Variants in POC1B observed in about 807,000 individuals in gnomAD.
POC1B encodes POC1 centriolar protein B, also known as POC1 centriolar protein homolog B.
A neutral mutation model predicts 60.6 loss-of-function variants in POC1B; 44 were observed. The observed-to-expected ratio is 0.73, with a 90% CI of 0.57 to 0.93. The LOEUF (loss-of-function observed/expected upper bound fraction) is 0.93, where lower values mean the gene tolerates loss of function less well. POC1B is among the 40% of genes least tolerant of loss of function. The probability of loss-of-function intolerance (pLI) is 0.00; values close to 1 mark genes in which losing one functional copy is unlikely to be tolerated. For synonymous variants in POC1B, 180 were observed against 198.9 expected (o/e 0.90, Z 0.80); for missense variants, 555 against 572.3 (o/e 0.97, Z 0.31).
intron 10 of POC1B, among the ~76,000 whole-genome samples, chr12:89,449,383 G>GA (rs1210254899): frequency 2.0e-5 from 3 of 152,124 alleles, no homozygotes; most frequent in Non-Finnish European, 4.4e-5. Context: ...TTGATTTACT[G>GA]AAACACTGAG....
intron 2 of POC1B, among the ~76,000 whole-genome samples, chr12:89,499,074 C>G (rs1869404977): frequency 6.6e-6 from 1 of 151,892 alleles, no homozygotes. Flanking sequence ...TGCAAAAGCA[C>G]CTGGAAGAAT....
rs781276521 is a variant in POC1B at position 89,472,117 on chromosome 12, C to T, written c.560+51G>A. On this transcript the variant is annotated intron_variant, in intron 5 of 11. Coordinates refer to ENST00000313546, the MANE Select transcript of POC1B (RefSeq NM_172240.3). ...ATTTATTTAAATTGTTATAATCAAA[C>T]GTCTCCTTAGAAAACTAACCCACAT... The T allele has an allele frequency of 4.5e-5, 52 of 1,166,506 alleles. 1 individual carries two copies. The Middle Eastern group carries it at 1.4e-3, about 32-fold the overall frequency. 72.3% of individuals were successfully genotyped at this position (1,166,506 alleles called of 1,614,324 possible). A position where few individuals can be genotyped will look rare whatever the true frequency, so the allele number is the denominator to read the frequency against.
the POC1B span, among the ~76,000 whole-genome samples, chr12:89,412,751 A>T: frequency 6.6e-6 from 1 of 152,052 alleles, no homozygotes; most frequent in Admixed American, 6.6e-5. Flanking sequence ...ATGCTCTCTC[A>T]TCCTGCCATG....
At chr12:89,408,377 G>A in the POC1B span, among the ~76,000 whole-genome samples, 28 of 152,030 alleles carry the variant, frequency 1.8e-4, no homozygotes, top group African/African-American at 4.3e-4. Flanking sequence ...TTGAGGAATC[G>A]CCACAGTGTC....
At chr12:89,484,506 G>A (rs771530101) in intron 4 of POC1B, among the ~76,000 whole-genome samples, 62 of 152,208 alleles carry the variant, frequency 4.1e-4, no homozygotes, top group Non-Finnish European at 7.6e-4. Context: ...ATAATCCCTA[G>A]GGGGAGGACT....
chr12:89,466,587 G>T, intron 9 of POC1B, 183 bp downstream of exon 9: 3 of 483,302 alleles, frequency 6.2e-6, no homozygotes, highest in African/African-American at 2.0e-5. Flanking sequence ...TTTACTTCTG[G>T]GCCTTCAAGA....
At chr12:89,482,096 A>G (rs1868382588) in intron 4 of POC1B, among the ~76,000 whole-genome samples, 2 of 152,214 alleles carry the variant, frequency 1.3e-5, no homozygotes, top group African/African-American at 4.8e-5. Flanking sequence ...TTTGACCCAG[A>G]TATGGCATAG....
intron 3 of POC1B, among the ~76,000 whole-genome samples, chr12:89,494,652 G>A (rs1253978885): frequency 6.6e-6 from 1 of 152,156 alleles, no homozygotes; most frequent in Admixed American, 6.5e-5. Context: ...GGAACAGAAC[G>A]TGGCAGAAGT....
At chr12:89,408,241 A>C in the POC1B span, among the ~76,000 whole-genome samples, 1 of 152,092 alleles carries the variant, frequency 6.6e-6, no homozygotes, top group Non-Finnish European at 1.5e-5. Flanking sequence ...AGTCTTTGCT[A>C]TTGTGAATAG....
At chr12:89,520,655 T>C (rs1162266920) in intron 2 of POC1B, 1 of 152,216 alleles carries the variant, frequency 6.6e-6, no homozygotes, top group Admixed American at 6.5e-5. Flanking sequence ...ATATTCAAGA[T>C]TGCATAGCAA....
At position 89,429,765 on chromosome 12, in the gene POC1B, A is replaced by T. The variant is rs561524224; in HGVS notation, c.1114-4386T>A. Among the ~76,000 whole-genome samples the T allele has an allele frequency of 4.6e-5, 7 of 152,316 alleles. No individual in the cohort carries two copies. In the South Asian group the frequency reaches 8.3e-4, roughly 18 times the overall value. On this transcript the variant is annotated intron_variant, in intron 10 of 11. Transcript: ENST00000313546. ...GGAAATAAACAAGCAGACAGAACAT[A>T]AGCAAACACATGATTGCAAGACTGC...
intron 2 of POC1B, among the ~76,000 whole-genome samples, chr12:89,515,558 C>T (rs948604700): frequency 1.3e-5 from 2 of 152,140 alleles, no homozygotes; most frequent in African/African-American, 4.8e-5. Context: ...GTGTGAAGGA[C>T]AGGGAGTCAG....
At chr12:89,419,376 TC>T (rs1319751704), downstream of POC1B, among the ~76,000 whole-genome samples, 8 of 152,200 alleles carry the variant, frequency 5.3e-5, no homozygotes, top group Admixed American at 4.6e-4. Flanking sequence ...TGAAAAAGTT[TC>T]AAGGCATCTG....
chr12:89,497,268 G>A lies in POC1B; in HGVS notation c.175C>T (p.His59Tyr), dbSNP rs781632156. 1.2e-6 allele frequency: 2 copies of A among 1,613,122 alleles called. No homozygotes were observed. The highest frequency in any genetic ancestry group is 1.7e-6 in the Non-Finnish European group (2 of 1,179,818). Residue 59 changes from histidine (H) to tyrosine (Y), a missense_variant, in exon 3 of 12, where the codon CAC (histidine) becomes TAC (tyrosine). By Grantham distance (83) the His-to-Tyr change is moderately conservative. Transcript: ENST00000313546. ...TGCACGCTGGTTACAACATCCTTGT[G>A]ACCCACATATCTGTAAGCTCTAGCA... ...PHARAYRYVG[H>Y]KDVVTSVQFS...
the POC1B span, among the ~76,000 whole-genome samples, chr12:89,409,552 C>T: frequency 0.15 from 22,825 of 151,872 alleles, 1,941 homozygotes; most frequent in South Asian, 0.31. Flanking sequence ...ATAGATAGAC[C>T]GCTAGCCAGA....
intron 2 of POC1B, chr12:89,502,203 T>C (rs1869607871): frequency 4.3e-6 from 5 of 1,155,236 alleles, no homozygotes; most frequent in Non-Finnish European, 6.4e-6. Context: ...GAAAGAATAA[T>C]AATGATGTGG....
At chr12:89,409,230 T>C in the POC1B span, among the ~76,000 whole-genome samples, 1 of 152,236 alleles carries the variant, frequency 6.6e-6, no homozygotes, top group Admixed American at 6.5e-5. Context: ...GCCTAGGTTT[T>C]CTTCTACGGT....
At chr12:89,421,284 A>T in intron 11 of POC1B, 27 bp from the exon 12 acceptor site, 1 of 1,531,336 alleles carries the variant, frequency 6.5e-7, no homozygotes, top group Non-Finnish European at 9.0e-7. Flanking sequence ...AAAATAATCA[A>T]TGCCTGGTCC....
intron 2 of POC1B, among the ~76,000 whole-genome samples, chr12:89,512,091 T>C (rs1592640311): frequency 6.6e-6 from 1 of 152,242 alleles, no homozygotes; most frequent in East Asian, 1.9e-4. Context: ...GGGAGAGGGT[T>C]GTACAATAAA....
Sources: gnomAD v4.1 joint callset for allele counts (sites outside exome capture counted in the v4.1 genomes callset) on GRCh38, gnomAD v4.1.1 for gene constraint, MANE v1.5 for transcripts, NCBI Gene and HGNC (gene_info 2026-07-23, HGNC 2026-07-21) for gene names.